CNTNAP2: variants seen among roughly 807,000 people sequenced by gnomAD.
The protein encoded by CNTNAP2 is contactin-associated protein-like 2.
Under a neutral mutation model 155.2 loss-of-function variants are expected in CNTNAP2, and 98 were observed. The ratio of observed to expected loss-of-function variants is 0.63; its 90% CI spans 0.54 to 0.75. CNTNAP2 has a LOEUF of 0.75. Among genes scored for constraint, CNTNAP2 ranks in the 30% least tolerant of loss-of-function variants. The pLI is 0.00. For synonymous variants in CNTNAP2, 651 were observed against 631.2 expected (o/e 1.03, Z -0.47); for missense variants, 1,727 against 1,688.1 (o/e 1.02, Z -0.40).
At chr7:147,408,212 A>G (rs1478175233) in intron 10 of CNTNAP2, among the ~76,000 whole-genome samples, 1 of 152,176 alleles carries the variant, frequency 6.6e-6, no homozygotes, top group Non-Finnish European at 1.5e-5. Context: ...GGAAAAAAAC[A>G]CACAAACGCC....
At chr7:147,676,266 G>A (rs1795865082) in intron 13 of CNTNAP2, among the ~76,000 whole-genome samples, 1 of 151,966 alleles carries the variant, frequency 6.6e-6, no homozygotes, top group Admixed American at 6.6e-5. Flanking sequence ...AAATGTATGT[G>A]AAGTACTTAG....
At chr7:147,976,532 A>AT (rs1801428367) in intron 14 of CNTNAP2, among the ~76,000 whole-genome samples, 2 of 152,316 alleles carry the variant, frequency 1.3e-5, no homozygotes, top group African/African-American at 4.8e-5. Context: ...ATAAATAATT[A>AT]TTTTTTAAAA....
At chr7:148,064,074 G>C (rs529780500) in intron 15 of CNTNAP2, among the ~76,000 whole-genome samples, 1 of 152,038 alleles carries the variant, frequency 6.6e-6, no homozygotes, top group South Asian at 2.1e-4. Context: ...TCTCTATTCT[G>C]TTCCATTGGT....
At chr7:146,948,584 A>T (rs1273180126) in intron 3 of CNTNAP2, among the ~76,000 whole-genome samples, 1 of 152,194 alleles carries the variant, frequency 6.6e-6, no homozygotes, top group Non-Finnish European at 1.5e-5. Context: ...ATTCCAAAAC[A>T]TATGTTCACA....
At chr7:148,132,259 G>C (rs1417983600) in intron 16 of CNTNAP2, among the ~76,000 whole-genome samples, 1 of 152,188 alleles carries the variant, frequency 6.6e-6, no homozygotes, top group Non-Finnish European at 1.5e-5. Context: ...ACCTTGAGGA[G>C]AAATGGGGAA....
intron 1 of CNTNAP2, among the ~76,000 whole-genome samples, chr7:146,393,549 C>G (rs1314906017): frequency 6.6e-6 from 1 of 152,118 alleles, no homozygotes; most frequent in Admixed American, 6.6e-5. Context: ...AGACCTGAAA[C>G]AGCCTATCTA....
At chr7:146,474,496 C>A (rs189611403) in intron 1 of CNTNAP2, among the ~76,000 whole-genome samples, 1 of 149,924 alleles carries the variant, frequency 6.7e-6, no homozygotes, top group Admixed American at 6.7e-5. Flanking sequence ...TGCTGTTGTT[C>A]TTCACATGAT....
chr7:147,886,397 C>T (rs1320370318), intron 13 of CNTNAP2, among the ~76,000 whole-genome samples: 2 of 147,124 alleles, frequency 1.4e-5, no homozygotes, highest in Non-Finnish European at 3.0e-5. Flanking sequence ...ATCGCTTGAA[C>T]CCAGGAGGCA....
chr7:148,020,739 A>G (rs970597338), intron 15 of CNTNAP2, among the ~76,000 whole-genome samples: 29 of 152,202 alleles, frequency 1.9e-4, no homozygotes, highest in African/African-American at 6.8e-4. Flanking sequence ...ATCTTCCTTT[A>G]TTTTTTAACA....
At chr7:148,275,209 T>A (rs532799009) in intron 21 of CNTNAP2, among the ~76,000 whole-genome samples, 1 of 152,296 alleles carries the variant, frequency 6.6e-6, no homozygotes, top group African/African-American at 2.4e-5. Flanking sequence ...GTCACATCTT[T>A]AGAGCTTCAG....
intron 15 of CNTNAP2, among the ~76,000 whole-genome samples, chr7:148,024,500 C>A (rs1802344003): frequency 6.6e-6 from 1 of 152,190 alleles, no homozygotes; most frequent in African/African-American, 2.4e-5. Context: ...GTGCTTCAGT[C>A]CGCTATGATA....
At chr7:146,397,558 G>A (rs1194742016) in intron 1 of CNTNAP2, among the ~76,000 whole-genome samples, 5 of 152,158 alleles carry the variant, frequency 3.3e-5, no homozygotes, top group African/African-American at 1.2e-4. Context: ...AAGATGATGA[G>A]GAAGGAGTTT....
intron 15 of CNTNAP2, among the ~76,000 whole-genome samples, chr7:148,115,794 C>G (rs1351916415): frequency 6.6e-6 from 1 of 152,024 alleles, no homozygotes; most frequent in African/African-American, 2.4e-5. Context: ...AGAAAGCAAC[C>G]TATTTGCCTA....
intron 9 of CNTNAP2, among the ~76,000 whole-genome samples, chr7:147,312,205 G>A (rs2620443): frequency 0.49 from 74,021 of 151,260 alleles, 19,215 homozygotes; most frequent in East Asian, 0.73. Flanking sequence ...GCAACCAGAT[G>A]TTTCTCAAGT....
chr7:147,377,142 C>A (rs1295757175), intron 9 of CNTNAP2, among the ~76,000 whole-genome samples: 1 of 150,816 alleles, frequency 6.6e-6, no homozygotes, highest in Non-Finnish European at 1.5e-5. Context: ...CTTCTCCCCC[C>A]CCTTTTGGTT....
intron 1 of CNTNAP2, among the ~76,000 whole-genome samples, chr7:146,673,444 A>G (rs1193864962): frequency 1.3e-5 from 2 of 152,226 alleles, no homozygotes; most frequent in Non-Finnish European, 2.9e-5. Flanking sequence ...TAGCCTAAAG[A>G]TGCTGTCTTA....
At chr7:147,898,285 A>C (rs147584109) in intron 13 of CNTNAP2, among the ~76,000 whole-genome samples, 5 of 152,296 alleles carry the variant, frequency 3.3e-5, no homozygotes, top group African/African-American at 1.2e-4. Context: ...CCTGTTAACA[A>C]AATTATTCTT....
chr7:147,496,222 C>T (rs985855430), intron 11 of CNTNAP2, among the ~76,000 whole-genome samples: 1 of 152,124 alleles, frequency 6.6e-6, no homozygotes, highest in Admixed American at 6.6e-5. Flanking sequence ...CTGAAACCAT[C>T]CCCTACCTCC....
chr7:146,919,453 G>A (rs999438145), intron 3 of CNTNAP2, among the ~76,000 whole-genome samples: 2 of 152,108 alleles, frequency 1.3e-5, no homozygotes, highest in African/African-American at 4.8e-5. Flanking sequence ...GTTGTTATTT[G>A]TCTTCTGGAT....
Sources: allele counts gnomAD v4.1 joint callset (sites outside exome capture counted in the v4.1 genomes callset), GRCh38; gene constraint gnomAD v4.1.1; transcripts MANE v1.5; gene names NCBI Gene and HGNC (gene_info 2026-07-23, HGNC 2026-07-21).